The following NRXN1 variants were observed in gnomAD, a reference collection of about 807,000 sequenced individuals.
NRXN1 encodes neurexin-1.
A neutral mutation model predicts 150.9 loss-of-function variants in NRXN1; 39 were observed. That is an observed-to-expected ratio of 0.26 (90% CI 0.20 to 0.34). NRXN1 has a LOEUF of 0.34. Ranked by LOEUF, NRXN1 falls within the 10% of genes least tolerant of loss-of-function variation. The probability of loss-of-function intolerance (pLI) is 1.00; values close to 1 mark genes in which losing one functional copy is unlikely to be tolerated. For missense variants in NRXN1, 1,815 were observed against 1,949.9 expected (o/e 0.93, Z 1.30); for synonymous variants, 924 against 757.0 (o/e 1.22, Z -3.62).
chr2:50,942,967 T>C (rs1689712861), intron 2 of NRXN1, among the ~76,000 whole-genome samples: 1 of 152,170 alleles, frequency 6.6e-6, no homozygotes, highest in Non-Finnish European at 1.5e-5. Context: ...AATCCCCATG[T>C]GTTGGAGTTA....
At chr2:50,509,346 C>A (rs185441329) in intron 12 of NRXN1, among the ~76,000 whole-genome samples, 6 of 152,276 alleles carry the variant, frequency 3.9e-5, no homozygotes, top group Admixed American at 3.9e-4. Flanking sequence ...GCTAGCAAAT[C>A]CTACACACCC....
At chr2:50,802,330 A>G (rs1247793132) in intron 5 of NRXN1, among the ~76,000 whole-genome samples, 1 of 152,100 alleles carries the variant, frequency 6.6e-6, no homozygotes, top group Non-Finnish European at 1.5e-5. Flanking sequence ...CGTCTCAACT[A>G]AAAATACAAA....
intron 5 of NRXN1, among the ~76,000 whole-genome samples, chr2:50,901,072 C>T (rs1252747736): frequency 1.3e-5 from 2 of 152,066 alleles, no homozygotes; most frequent in Non-Finnish European, 2.9e-5. Flanking sequence ...ATCTGACACA[C>T]TATTTATCTG....
chr2:50,045,263 T>C (rs1691632250), intron 21 of NRXN1, among the ~76,000 whole-genome samples: 1 of 152,176 alleles, frequency 6.6e-6, no homozygotes, highest in African/African-American at 2.4e-5. Context: ...ACTTAGTTTT[T>C]TGAACAAGCT....
chr2:50,873,686 TTGAG>T (rs1242531942), intron 5 of NRXN1, among the ~76,000 whole-genome samples: 3 of 151,848 alleles, frequency 2.0e-5, no homozygotes, highest in Non-Finnish European at 4.4e-5. Context: ...CTGCAAAAGA[TTGAG>T]TAATTTTTCA....
intron 9 of NRXN1, among the ~76,000 whole-genome samples, chr2:50,541,094 A>G (rs560008040): frequency 1.3e-4 from 20 of 152,378 alleles, no homozygotes; most frequent in African/African-American, 4.6e-4. Flanking sequence ...GAAATTGAGA[A>G]GAAATGTTAG....
At chr2:49,985,437 T>G (rs1030625844) in intron 21 of NRXN1, among the ~76,000 whole-genome samples, 1 of 152,198 alleles carries the variant, frequency 6.6e-6, no homozygotes, top group Non-Finnish European at 1.5e-5. Flanking sequence ...TATAGATTCA[T>G]GTGAAGCCTG....
At chr2:51,030,420 G>A (rs1671313097) in intron 1 of NRXN1, among the ~76,000 whole-genome samples, 1 of 151,956 alleles carries the variant, frequency 6.6e-6, no homozygotes, top group Non-Finnish European at 1.5e-5. Context: ...GGAGCTGAGA[G>A]CATTTCTCTT....
chr2:50,550,759 G>A (rs1480919098), intron 9 of NRXN1, among the ~76,000 whole-genome samples: 1 of 150,446 alleles, frequency 6.6e-6, no homozygotes, highest in East Asian at 2.0e-4. Flanking sequence ...TCGGCTCACT[G>A]CAAAATCCGC....
intron 5 of NRXN1, among the ~76,000 whole-genome samples, chr2:50,783,349 G>A (rs1448921372): frequency 6.6e-6 from 1 of 152,090 alleles, no homozygotes; most frequent in Admixed American, 6.6e-5. Context: ...AATTGTGGGT[G>A]TAGCTGATAT....
At chr2:50,397,430 T>C (rs1193963690) in intron 17 of NRXN1, among the ~76,000 whole-genome samples, 1 of 152,090 alleles carries the variant, frequency 6.6e-6, no homozygotes, top group Non-Finnish European at 1.5e-5. Context: ...TGTTAAGTGA[T>C]TGGCTTGCAT....
intron 17 of NRXN1, among the ~76,000 whole-genome samples, chr2:50,396,538 G>C (rs1234607874): frequency 6.6e-6 from 1 of 151,942 alleles, no homozygotes; most frequent in Non-Finnish European, 1.5e-5. Flanking sequence ...AGAGTTTTTT[G>C]TTTTGTTTTT....
chr2:50,387,697 T>C (rs1262513279), intron 17 of NRXN1, among the ~76,000 whole-genome samples: 1 of 152,164 alleles, frequency 6.6e-6, no homozygotes, highest in African/African-American at 2.4e-5. Flanking sequence ...CATGGTCCTA[T>C]GAAGCTTCTC....
At chr2:50,100,439 T>A (rs961984963) in intron 18 of NRXN1, among the ~76,000 whole-genome samples, 2 of 152,116 alleles carry the variant, frequency 1.3e-5, no homozygotes, top group Non-Finnish European at 2.9e-5. Context: ...AATGTCAAGA[T>A]GAATTTAGTC....
At chr2:50,280,810 G>T (rs550679048) in intron 17 of NRXN1, among the ~76,000 whole-genome samples, 1 of 152,256 alleles carries the variant, frequency 6.6e-6, no homozygotes, top group South Asian at 2.1e-4. Context: ...CCTGAGGGAA[G>T]AATATGATTA....
At chr2:50,139,601 A>AAAAACAAAAC (rs532913936) in intron 18 of NRXN1, among the ~76,000 whole-genome samples, 3 of 152,094 alleles carry the variant, frequency 2.0e-5, no homozygotes, top group African/African-American at 7.2e-5. Flanking sequence ...AAAGAGAGGA[A>AAAAACAAAAC]AAAACAAAAC....
In NRXN1 at chr2:50,913,653, G is replaced by A. The variant is rs1464660667; in HGVS notation, c.832+8216C>T. 2.6e-5 allele frequency among the ~76,000 whole-genome samples: 4 copies of A among 151,648 alleles called. No individual in the cohort carries two copies. In the Admixed American group the frequency reaches 2.6e-4, roughly 10 times the overall value. On this transcript the variant is annotated intron_variant, in intron 5 of 22. Coordinates refer to ENST00000401669, the MANE Select transcript of NRXN1 (RefSeq NM_001330078.2). ...AGTTCATAGTTCTTTGAATATCCCTGCATTTTACCTGTTTGAAAGTTAACA... is the reference window on the plus strand; with the variant it reads ...AGTTCATAGTTCTTTGAATATCCCTACATTTTACCTGTTTGAAAGTTAACA...
intron 17 of NRXN1, among the ~76,000 whole-genome samples, chr2:50,373,679 A>AAAGAAGGAAAGAAAGAAAGAAAGAAAG (rs1553513456): frequency 1.9e-3 from 125 of 65,346 alleles, no homozygotes; most frequent in South Asian, 2.5e-3. Context: ...AGAAAGAAAG[A>AAAGAAGGAAAGAAAGAAAGAAAGAAAG]AAAGAAAGAA....
chr2:50,058,608 T>G (rs184375547), intron 19 of NRXN1, among the ~76,000 whole-genome samples: 4 of 152,212 alleles, frequency 2.6e-5, no homozygotes, highest in Non-Finnish European at 5.9e-5. Flanking sequence ...CAAAATTATA[T>G]GCAGATACAT....
Sources: allele counts gnomAD v4.1 joint callset (sites outside exome capture counted in the v4.1 genomes callset), GRCh38; gene constraint gnomAD v4.1.1; transcripts MANE v1.5; gene names NCBI Gene and HGNC (gene_info 2026-07-23, HGNC 2026-07-21).